MACROD2: variants seen among roughly 807,000 people sequenced by gnomAD.
The protein encoded by MACROD2 is ADP-ribose glycohydrolase MACROD2.
Under a neutral mutation model 70.4 loss-of-function variants are expected in MACROD2, and 36 were observed. The observed-to-expected ratio is 0.51, with a 90% CI of 0.39 to 0.68. The LOEUF is 0.68. Among genes scored for constraint, MACROD2 ranks in the 30% least tolerant of loss-of-function variants. The pLI is 0.00. For synonymous variants in MACROD2, 172 were observed against 178.8 expected, an observed-to-expected ratio of 0.96 and a Z score of 0.30; for missense variants, 496 against 538.4, an observed-to-expected ratio of 0.92 and a Z score of 0.78.
intron 8 of MACROD2, among the ~76,000 whole-genome samples, chr20:15,608,251 C>T (rs534160506): frequency 2.9e-4 from 44 of 152,342 alleles, no homozygotes; most frequent in African/African-American, 8.2e-4. Flanking sequence ...AACGTGCACT[C>T]TCTCCCTGTC....
At chr20:14,322,533 A>G (rs1435079709) in intron 3 of MACROD2, among the ~76,000 whole-genome samples, 1 of 152,014 alleles carries the variant, frequency 6.6e-6, no homozygotes. Flanking sequence ...AGCAAAGTCA[A>G]ACTTCCTTCA....
At chr20:14,907,972 G>A (rs1440746502) in intron 5 of MACROD2, among the ~76,000 whole-genome samples, 1 of 152,106 alleles carries the variant, frequency 6.6e-6, no homozygotes, top group Non-Finnish European at 1.5e-5. Flanking sequence ...CCATGAACTT[G>A]GAACCCAAGT....
At chr20:14,162,919 T>C (rs1285753812) in intron 3 of MACROD2, among the ~76,000 whole-genome samples, 1 of 152,174 alleles carries the variant, frequency 6.6e-6, no homozygotes, top group Admixed American at 6.5e-5. Context: ...ATTTTATTAA[T>C]TGAAGTCATT....
intron 8 of MACROD2, among the ~76,000 whole-genome samples, chr20:15,566,305 G>A (rs892525831): frequency 1.3e-5 from 2 of 151,962 alleles, no homozygotes; most frequent in Admixed American, 6.6e-5. Flanking sequence ...CCAACATGGC[G>A]AAACCCACCC....
chr20:14,805,457 C>T (rs2072627498), intron 5 of MACROD2, among the ~76,000 whole-genome samples: 1 of 152,084 alleles, frequency 6.6e-6, no homozygotes, highest in South Asian at 2.1e-4. Flanking sequence ...CAGCTAGACA[C>T]CATATTAAAA....
intron 8 of MACROD2, among the ~76,000 whole-genome samples, chr20:15,756,251 G>A (rs866078024): frequency 6.6e-6 from 1 of 152,194 alleles, no homozygotes. Context: ...ACAGAGTAAC[G>A]AGATGCCATC....
At chr20:15,942,900 C>G (rs953411535) in intron 12 of MACROD2, among the ~76,000 whole-genome samples, 1 of 152,052 alleles carries the variant, frequency 6.6e-6, no homozygotes, top group African/African-American at 2.4e-5. Context: ...TCAACTAGAC[C>G]AAATCATATG....
chr20:15,263,527 C>G (rs1353151157), intron 6 of MACROD2, among the ~76,000 whole-genome samples: 2 of 151,708 alleles, frequency 1.3e-5, no homozygotes, highest in East Asian at 3.9e-4. Context: ...TTTTTTGGTT[C>G]TATATAATTT....
At chr20:14,963,918 T>A (rs966332866) in intron 5 of MACROD2, among the ~76,000 whole-genome samples, 1 of 152,218 alleles carries the variant, frequency 6.6e-6, no homozygotes, top group African/African-American at 2.4e-5. Flanking sequence ...ATGCATAGGA[T>A]ATCAATGGCT....
At chr20:14,289,415 T>C (rs947340860) in intron 3 of MACROD2, among the ~76,000 whole-genome samples, 1 of 152,244 alleles carries the variant, frequency 6.6e-6, no homozygotes, top group Admixed American at 6.5e-5. Context: ...GTAAAACAGA[T>C]GCTTGCTTTC....
intron 8 of MACROD2, among the ~76,000 whole-genome samples, chr20:15,617,800 C>G (rs1469856986): frequency 6.6e-6 from 1 of 152,108 alleles, no homozygotes; most frequent in Non-Finnish European, 1.5e-5. Flanking sequence ...GTCTTCTGTG[C>G]TGGTTGTGTT....
At chr20:15,401,603 G>T (rs1461962476) in intron 6 of MACROD2, among the ~76,000 whole-genome samples, 1 of 152,132 alleles carries the variant, frequency 6.6e-6, no homozygotes, top group East Asian at 1.9e-4. Flanking sequence ...CTGAAAAATT[G>T]GGATGTTAAT....
At chr20:14,936,559 T>C (rs770367939) in intron 5 of MACROD2, among the ~76,000 whole-genome samples, 6 of 152,086 alleles carry the variant, frequency 3.9e-5, no homozygotes, top group Non-Finnish European at 7.4e-5. Context: ...AGTAAATCTT[T>C]GTAGCTCTCT....
At chr20:15,250,516 G>A (rs2077145971) in intron 6 of MACROD2, among the ~76,000 whole-genome samples, 1 of 152,198 alleles carries the variant, frequency 6.6e-6, no homozygotes, top group South Asian at 2.1e-4. Flanking sequence ...GAAAAAAGGT[G>A]AACATATAAG....
intron 9 of MACROD2, among the ~76,000 whole-genome samples, chr20:15,877,793 G>T (rs1474090341): frequency 6.6e-6 from 1 of 152,150 alleles, no homozygotes; most frequent in Non-Finnish European, 1.5e-5. Flanking sequence ...TGCACAAGAA[G>T]CCTGTGGTAA....
intron 5 of MACROD2, among the ~76,000 whole-genome samples, chr20:14,701,905 A>G (rs548647991): frequency 6.6e-6 from 1 of 152,132 alleles, no homozygotes; most frequent in Non-Finnish European, 1.5e-5. Context: ...TATTCCTATT[A>G]TATATGAGGA....
intron 8 of MACROD2, among the ~76,000 whole-genome samples, chr20:15,812,634 C>T (rs1190332711): frequency 6.6e-6 from 1 of 151,800 alleles, no homozygotes; most frequent in Non-Finnish European, 1.5e-5. Flanking sequence ...TCTGAAATGC[C>T]TGTTCATTTT....
intron 3 of MACROD2, among the ~76,000 whole-genome samples, chr20:14,161,184 T>C (rs2148717589): frequency 7.0e-6 from 1 of 143,662 alleles, no homozygotes; most frequent in African/African-American, 2.7e-5. Context: ...TTCTTTTTTT[T>C]CTTTTTCTTT....
At chr20:15,214,401 C>T (rs1299245460) in intron 5 of MACROD2, among the ~76,000 whole-genome samples, 1 of 152,008 alleles carries the variant, frequency 6.6e-6, no homozygotes, top group Non-Finnish European at 1.5e-5. Context: ...CCAAAGTTGT[C>T]GTCATGAAAT....
Sources: gnomAD v4.1 joint callset for allele counts (sites outside exome capture counted in the v4.1 genomes callset) on GRCh38, gnomAD v4.1.1 for gene constraint, MANE v1.5 for transcripts, NCBI Gene and HGNC (gene_info 2026-07-23, HGNC 2026-07-21) for gene names.